Variants in NKAIN3 observed in about 807,000 individuals in gnomAD.
The protein encoded by NKAIN3 is sodium/potassium transporting ATPase interacting 3.
NKAIN3 carries 25 observed loss-of-function variants against 30.2 expected under a neutral mutation model. The ratio of observed to expected loss-of-function variants is 0.83; its 90% CI spans 0.60 to 1.16. The LOEUF (loss-of-function observed/expected upper bound fraction) is 1.16. Ranked by LOEUF, NKAIN3 falls within the 50% of genes most tolerant of loss-of-function variation. The pLI is 0.00. For synonymous variants in NKAIN3, 91 were observed against 89.6 expected (o/e 1.02, Z -0.09); for missense variants, 225 against 254.1 (o/e 0.89, Z 0.78).
intron 3 of NKAIN3, among the ~76,000 whole-genome samples, chr8:62,732,519 A>G (rs903574395): frequency 6.6e-6 from 1 of 151,642 alleles, no homozygotes; most frequent in African/African-American, 2.4e-5. Context: ...GTATAAATGT[A>G]TATTTTCTAA....
intron 3 of NKAIN3, among the ~76,000 whole-genome samples, chr8:62,696,130 C>CA (rs1197205085): frequency 6.6e-6 from 1 of 152,110 alleles, no homozygotes; most frequent in African/African-American, 2.4e-5. Context: ...AATTTTCACT[C>CA]AATCAGATAT....
At chr8:62,554,213 A>G (rs1012432377) in intron 1 of NKAIN3, among the ~76,000 whole-genome samples, 1 of 152,214 alleles carries the variant, frequency 6.6e-6, no homozygotes, top group African/African-American at 2.4e-5. Context: ...CACTACTGTT[A>G]AAAACAACTG....
At chr8:62,267,170 C>T (rs1297784911) in intron 1 of NKAIN3, among the ~76,000 whole-genome samples, 1 of 152,198 alleles carries the variant, frequency 6.6e-6, no homozygotes, top group Non-Finnish European at 1.5e-5. Flanking sequence ...CATAATAATT[C>T]TGGTTTCTGA....
chr8:62,571,633 T>C (rs757424375), intron 1 of NKAIN3, among the ~76,000 whole-genome samples: 5 of 152,132 alleles, frequency 3.3e-5, no homozygotes, highest in Non-Finnish European at 5.9e-5. Flanking sequence ...GCCCCGCCAC[T>C]GCAGCAATCT....
intron 2 of NKAIN3, among the ~76,000 whole-genome samples, chr8:62,580,458 A>G (rs1389315427): frequency 6.6e-6 from 1 of 152,186 alleles, no homozygotes; most frequent in African/African-American, 2.4e-5. Context: ...TAAAATGTTC[A>G]TTAAGCCTGA....
chr8:62,841,476 C>T (rs1350736514), intron 4 of NKAIN3, among the ~76,000 whole-genome samples: 2 of 152,104 alleles, frequency 1.3e-5, no homozygotes, highest in African/African-American at 4.8e-5. Context: ...CTCCTCCCCA[C>T]CCAAGCCCCC....
chr8:62,986,817 G>A (rs139942030), downstream of NKAIN3, among the ~76,000 whole-genome samples: 556 of 152,096 alleles, frequency 3.7e-3, 1 homozygote, highest in Non-Finnish European at 6.1e-3. Flanking sequence ...TTATCACCCT[G>A]CTTAAAATCT....
At chr8:62,798,206 A>T (rs1817928464) in intron 4 of NKAIN3, among the ~76,000 whole-genome samples, 1 of 152,130 alleles carries the variant, frequency 6.6e-6, no homozygotes, top group African/African-American at 2.4e-5. Flanking sequence ...TTTGGGGGTA[A>T]ACTCTATCAG....
intron 1 of NKAIN3, among the ~76,000 whole-genome samples, chr8:62,305,726 A>G (rs1158396932): frequency 2.7e-5 from 4 of 150,476 alleles, no homozygotes; most frequent in African/African-American, 1.0e-4. Context: ...TGATGGATGG[A>G]AAAGAATGGA....
At chr8:62,998,048 T>TA (rs1196179574) in intron 5 of NKAIN3, among the ~76,000 whole-genome samples, 3 of 152,160 alleles carry the variant, frequency 2.0e-5, no homozygotes, top group Admixed American at 6.5e-5. Context: ...TTCCAATATA[T>TA]TTCATGTTTA....
At chr8:62,848,822 T>G (rs1309720374) in intron 4 of NKAIN3, among the ~76,000 whole-genome samples, 1 of 152,166 alleles carries the variant, frequency 6.6e-6, no homozygotes, top group African/African-American at 2.4e-5. Context: ...CTCTTATTAT[T>G]TTGAGGTATG....
intron 2 of NKAIN3, among the ~76,000 whole-genome samples, chr8:62,586,089 G>A (rs901456310): frequency 6.6e-6 from 1 of 152,104 alleles, no homozygotes; most frequent in Non-Finnish European, 1.5e-5. Context: ...TTTGTAAAGG[G>A]TCAAGTGAAT....
chr8:62,253,885 T>C (rs1459668962), intron 1 of NKAIN3, among the ~76,000 whole-genome samples: 2 of 152,234 alleles, frequency 1.3e-5, no homozygotes, highest in Non-Finnish European at 2.9e-5. Context: ...ATACTGATAC[T>C]TTGGCTTTGA....
At chr8:62,506,915 A>G (rs756771479) in intron 1 of NKAIN3, among the ~76,000 whole-genome samples, 25 of 152,128 alleles carry the variant, frequency 1.6e-4, no homozygotes, top group South Asian at 8.3e-4. Flanking sequence ...TCGACACCTG[A>G]TGTAGAATTG....
chr8:62,969,853 T>G lies in NKAIN3; in HGVS notation c.*4446T>G, dbSNP rs1275798235. 6.6e-6 allele frequency among the ~76,000 whole-genome samples: 1 copy of G among 152,108 alleles called. No individual in the cohort carries two copies. Among genetic ancestry groups the G allele is most frequent in the Non-Finnish European group, 1.5e-5 (1 of 68,024 alleles). Reference sequence around the variant, plus strand: ...AAGGATATTATGCCCAAAAGTGAACTGACAGAGGAAAGTACTCTTCATATA... The same window carrying G: ...AAGGATATTATGCCCAAAAGTGAACGGACAGAGGAAAGTACTCTTCATATA... On this transcript the variant is annotated 3_prime_UTR_variant, in exon 7 of 7. Coordinates refer to ENST00000623646, the MANE Select transcript of NKAIN3 (RefSeq NM_001304533.3).
rs1183779899 is a variant in NKAIN3, at chr8:62,975,343, T to G, written c.*9936T>G. Among the ~76,000 whole-genome samples the G allele has an allele frequency of 5.3e-5, 8 of 152,116 alleles. No homozygotes were observed. Among genetic ancestry groups the G allele is most frequent in the African/African-American group, 1.9e-4 (8 of 41,434 alleles). On this transcript the variant is annotated 3_prime_UTR_variant, in exon 7 of 7. Coordinates refer to ENST00000623646, the MANE Select transcript of NKAIN3 (RefSeq NM_001304533.3). ...TTAATTACTGCCTCAATTTCAGAACTTGTTATTGGTCTATTCAGGGATTCA... is the reference window on the plus strand; with the variant it reads ...TTAATTACTGCCTCAATTTCAGAACGTGTTATTGGTCTATTCAGGGATTCA...
At chr8:62,744,884 C>A (rs868314749) in intron 3 of NKAIN3, among the ~76,000 whole-genome samples, 2 of 152,106 alleles carry the variant, frequency 1.3e-5, no homozygotes, top group African/African-American at 2.4e-5. Context: ...AGAAAACCAA[C>A]AATCAAAAGG....
intron 4 of NKAIN3, among the ~76,000 whole-genome samples, chr8:62,894,300 C>T (rs1821371916): frequency 6.6e-6 from 1 of 152,086 alleles, no homozygotes; most frequent in Admixed American, 6.6e-5. Flanking sequence ...AAGCTGGGTC[C>T]ATTTTCACCT....
At chr8:62,557,067 C>T (rs1040335545) in intron 1 of NKAIN3, among the ~76,000 whole-genome samples, 1 of 151,900 alleles carries the variant, frequency 6.6e-6, no homozygotes, top group African/African-American at 2.4e-5. Context: ...TACCTCATTC[C>T]CTTCCCATCC....
Sources: gnomAD v4.1 joint callset for allele counts (sites outside exome capture counted in the v4.1 genomes callset) on GRCh38, gnomAD v4.1.1 for gene constraint, MANE v1.5 for transcripts, NCBI Gene and HGNC (gene_info 2026-07-23, HGNC 2026-07-21) for gene names.